Variants in PPP6R3 observed in about 807,000 individuals in gnomAD.
PPP6R3 encodes serine/threonine-protein phosphatase 6 regulatory subunit 3.
Under a neutral mutation model 110.7 loss-of-function variants are expected in PPP6R3, and 38 were observed. That is an observed-to-expected ratio of 0.34 (90% CI 0.26 to 0.45). The LOEUF (loss-of-function observed/expected upper bound fraction) is 0.45. Among genes scored for constraint, PPP6R3 ranks in the 20% least tolerant of loss-of-function variants. PPP6R3 has a pLI of 1.00. For synonymous variants in PPP6R3, 369 were observed against 373.5 expected (o/e 0.99, Z 0.14); for missense variants, 870 against 1,062.4 (o/e 0.82, Z 2.52).
rs780704382 is a variant in PPP6R3, at chr11:68,600,418, G to A, written c.2116G>A (p.Val706Ile). Reference protein sequence around the residue: ...GAPLDSVGSDVWSTEEPMPTK... With the variant: ...GAPLDSVGSDIWSTEEPMPTK... ...TCCATTGGATTCTGTGGGATCTGAT[G>A]TCTGGAGCACAGAGGAGCCGATGCC... Residue 706 changes from valine (V) to isoleucine (I), a missense_variant, in exon 20 of 24, where the codon GTC (valine) becomes ATC (isoleucine). Physicochemically the swap from Val to Ile is conservative, Grantham distance 29. Coordinates refer to ENST00000393800, the MANE Select transcript of PPP6R3 (RefSeq NM_001164161.2). 6.8e-6 allele frequency: 11 copies of A among 1,614,178 alleles called. No homozygotes were observed. The highest frequency in any genetic ancestry group is 8.5e-6 in the Non-Finnish European group (10 of 1,180,020).
rs551255318 is a variant in PPP6R3 at position 68,555,064 on chromosome 11, A to G, written c.731+807A>G. Among the ~76,000 whole-genome samples the G allele has an allele frequency of 4.6e-5, 7 of 152,346 alleles. No individual in the cohort carries two copies. The South Asian group carries it at 1.2e-3, about 27-fold the overall frequency. On this transcript the variant is annotated intron_variant, in intron 7 of 23. Transcript: ENST00000393800. ...CATATGTAAGACAGGCAGGGAATACATTACAGACAAGTTAATGTGTCTTCA... is the reference window on the plus strand; with the variant it reads ...CATATGTAAGACAGGCAGGGAATACGTTACAGACAAGTTAATGTGTCTTCA...
At chr11:68,523,400 A>G (rs1020079095) in intron 2 of PPP6R3, among the ~76,000 whole-genome samples, 2 of 152,348 alleles carry the variant, frequency 1.3e-5, no homozygotes, top group South Asian at 4.1e-4. Context: ...GGTGAAGAAC[A>G]TTCTGCAGTA....
chr11:68,532,027 A>G (rs1276294479), intron 2 of PPP6R3, among the ~76,000 whole-genome samples: 1 of 152,210 alleles, frequency 6.6e-6, no homozygotes, highest in East Asian at 1.9e-4. Flanking sequence ...AATTTTACAG[A>G]TAGACTGATG....
At chr11:68,595,112 T>A (rs1157917779) in intron 18 of PPP6R3, among the ~76,000 whole-genome samples, 1 of 151,564 alleles carries the variant, frequency 6.6e-6, no homozygotes, top group African/African-American at 2.4e-5. Flanking sequence ...CTATAAAACT[T>A]CTACAAGAAA....
intron 12 of PPP6R3, among the ~76,000 whole-genome samples, chr11:68,573,670 GCTAT>G (rs1203534379): frequency 6.6e-6 from 1 of 152,060 alleles, no homozygotes; most frequent in Non-Finnish European, 1.5e-5. Flanking sequence ...ATAAAAATTT[GCTAT>G]CTTTTAAGAA....
intron 1 of PPP6R3, among the ~76,000 whole-genome samples, 197 bp downstream of exon 1, chr11:68,461,024 T>G (rs1309749418): frequency 3.3e-5 from 5 of 151,472 alleles, no homozygotes; most frequent in South Asian, 4.2e-4. Context: ...CCGCTCCCCG[T>G]CCGCTCCTGT....
intron 18 of PPP6R3, among the ~76,000 whole-genome samples, chr11:68,592,843 A>C (rs1179416936): frequency 6.6e-6 from 1 of 152,232 alleles, no homozygotes; most frequent in African/African-American, 2.4e-5. Context: ...GATTCACTAA[A>C]TGATGCTTGC....
At chr11:68,577,448 C>G (rs1447071792) in intron 14 of PPP6R3, among the ~76,000 whole-genome samples, 1 of 152,164 alleles carries the variant, frequency 6.6e-6, no homozygotes, top group African/African-American at 2.4e-5. Context: ...ATTTAGTAAT[C>G]TGATTTTGTT....
chr11:68,531,078 AAC>A (rs1286449763), intron 2 of PPP6R3, among the ~76,000 whole-genome samples: 1 of 152,192 alleles, frequency 6.6e-6, no homozygotes, highest in African/African-American at 2.4e-5. Flanking sequence ...TTTCTGAAAT[AAC>A]ACAGTACTGT....
At chr11:68,477,742 ATATATAT>A (rs1309578656) in intron 1 of PPP6R3, among the ~76,000 whole-genome samples, 9 of 49,610 alleles carry the variant, frequency 1.8e-4, no homozygotes, top group African/African-American at 7.6e-4. Flanking sequence ...AAAAAAAAAA[ATATATAT>A]ATATATATAT....
chr11:68,486,491 G>T (rs1231411310), intron 1 of PPP6R3, among the ~76,000 whole-genome samples: 1 of 151,612 alleles, frequency 6.6e-6, no homozygotes, highest in Non-Finnish European at 1.5e-5. Flanking sequence ...TGTAGTCCCA[G>T]CTACTTGGGA....
chr11:68,523,340 G>A (rs1050759188), intron 2 of PPP6R3, among the ~76,000 whole-genome samples: 4 of 152,138 alleles, frequency 2.6e-5, no homozygotes, highest in Admixed American at 6.5e-5. Context: ...TCTGGGAGTC[G>A]TCTATCTCTT....
chr11:68,500,800 C>G (rs938753183), intron 1 of PPP6R3, among the ~76,000 whole-genome samples: 7 of 152,174 alleles, frequency 4.6e-5, no homozygotes, highest in African/African-American at 1.4e-4. Flanking sequence ...GAAAATGGTG[C>G]TGTTTCTTTG....
At chr11:68,580,766 T>C in intron 14 of PPP6R3, among the ~76,000 whole-genome samples, 1 of 83,294 alleles carries the variant, frequency 1.2e-5, no homozygotes, top group Non-Finnish European at 2.3e-5. Flanking sequence ...TTTTTTTTTT[T>C]TTTTTTTTTT....
chr11:68,528,431 T>TG (rs1475629292), intron 2 of PPP6R3, among the ~76,000 whole-genome samples: 5,635 of 34,858 alleles, frequency 0.16, 236 homozygotes, highest in Non-Finnish European at 0.21. Flanking sequence ...AATTTGTGTG[T>TG]GTGGGGGGGG....
chr11:68,574,267 C>T (rs1404613599), intron 13 of PPP6R3, 43 bp downstream of exon 13: 4 of 1,516,908 alleles, frequency 2.6e-6, no homozygotes, highest in South Asian at 1.1e-5. Flanking sequence ...TGTTGGGTTG[C>T]AGGAAGGATT....
At chr11:68,566,921 T>C in intron 9 of PPP6R3, 93 bp from the exon 10 acceptor site, 2 of 1,090,016 alleles carry the variant, frequency 1.8e-6, no homozygotes, top group Non-Finnish European at 2.5e-6. Context: ...GCCATGTTGT[T>C]TGCAGGGTTT....
At chr11:68,586,412 C>G (rs1364779320) in intron 15 of PPP6R3, 1 of 152,342 alleles carries the variant, frequency 6.6e-6, no homozygotes, top group Admixed American at 6.5e-5. Flanking sequence ...CCCTACCCTT[C>G]TGCTTTCAGC....
intron 2 of PPP6R3, among the ~76,000 whole-genome samples, chr11:68,527,686 C>G (rs970195737): frequency 2.0e-5 from 3 of 152,200 alleles, no homozygotes; most frequent in Non-Finnish European, 4.4e-5. Flanking sequence ...GCATACTTTC[C>G]TCAGTTAAAA....
Sources: allele counts gnomAD v4.1 joint callset (sites outside exome capture counted in the v4.1 genomes callset), GRCh38; gene constraint gnomAD v4.1.1; transcripts MANE v1.5; gene names NCBI Gene and HGNC (gene_info 2026-07-23, HGNC 2026-07-21).